The following CNTN4 variants were observed in gnomAD, a reference collection of about 807,000 sequenced individuals.
The protein encoded by CNTN4 is contactin 4, also known as contactin-4.
In CNTN4, 77 loss-of-function variants were observed where a neutral mutation model predicts 122.5. The ratio of observed to expected loss-of-function variants is 0.63; its 90% CI spans 0.52 to 0.76. CNTN4 has a LOEUF of 0.76. CNTN4 is among the 30% of genes least tolerant of loss of function. The pLI is 0.00. For missense variants in CNTN4, 1,256 were observed against 1,259.1 expected (o/e 1.00, Z 0.04); for synonymous variants, 512 against 447.0 (o/e 1.15, Z -1.83).
At chr3:2,383,890 A>T in intron 3 of CNTN4, among the ~76,000 whole-genome samples, 1 of 152,074 alleles carries the variant, frequency 6.6e-6, no homozygotes, top group East Asian at 1.9e-4. Flanking sequence ...GTGTTCTAAT[A>T]AACCCATTGT....
rs751599943 is a variant in CNTN4 at position 2,171,775 on chromosome 3, T to C, written c.-145+71136T>C. ...GAAAGACAAGAAAAGATCATTAGTA[T>C]ACTGTATTTACTTGAGTTACTTACT... is the stretch of plus-strand genomic sequence containing the variant. On this transcript the variant is annotated intron_variant, in intron 2 of 24. Coordinates refer to ENST00000418658, the MANE Select transcript of CNTN4 (RefSeq NM_175607.3). Among the ~76,000 whole-genome samples the C allele has an allele frequency of 2.0e-4, 31 of 152,222 alleles. 1 individual carries two copies. The highest frequency in any genetic ancestry group is 1.0e-4 in the Non-Finnish European group (7 of 68,038).
chr3:2,898,328 TA>T (rs2094137201), intron 10 of CNTN4, among the ~76,000 whole-genome samples: 1 of 150,746 alleles, frequency 6.6e-6, no homozygotes, highest in Non-Finnish European at 1.5e-5. Flanking sequence ...ACTTTAAAAA[TA>T]AAGAAAGTGC....
intron 4 of CNTN4, among the ~76,000 whole-genome samples, chr3:2,698,375 T>C (rs2086163970): frequency 6.6e-6 from 1 of 152,166 alleles, no homozygotes; most frequent in Non-Finnish European, 1.5e-5. Flanking sequence ...GTCTGGAACT[T>C]TGCAAGGCAC....
chr3:2,727,264 TCTGGGTCAGCA>T (rs2088296021), intron 4 of CNTN4, among the ~76,000 whole-genome samples: 1 of 152,150 alleles, frequency 6.6e-6, no homozygotes, highest in East Asian at 1.9e-4. Flanking sequence ...CCCAGCTGAG[TCTGGGTCAGCA>T]CTGCATAATC....
intron 12 of CNTN4, among the ~76,000 whole-genome samples, chr3:2,920,422 T>G (rs1292129534): frequency 6.6e-6 from 1 of 151,612 alleles, no homozygotes; most frequent in African/African-American, 2.4e-5. Context: ...GTGTGATACA[T>G]ACACATTATA....
At chr3:3,041,330 T>G (rs1700145912) in intron 20 of CNTN4, among the ~76,000 whole-genome samples, 1 of 152,248 alleles carries the variant, frequency 6.6e-6, no homozygotes, top group African/African-American at 2.4e-5. Context: ...GCCAAAGGAT[T>G]TACAATTATT....
At chr3:2,459,170 G>A (rs909596385) in intron 3 of CNTN4, among the ~76,000 whole-genome samples, 2 of 152,108 alleles carry the variant, frequency 1.3e-5, no homozygotes, top group Admixed American at 6.6e-5. Flanking sequence ...CCATGGTGAT[G>A]CAAAAGTGAT....
chr3:2,440,990 T>C (rs1202874613), intron 3 of CNTN4, among the ~76,000 whole-genome samples: 1 of 150,658 alleles, frequency 6.6e-6, no homozygotes, highest in East Asian at 1.9e-4. Context: ...TGTGTGTATA[T>C]GTATATGTGT....
At chr3:2,351,679 T>G (rs1007252388) in intron 3 of CNTN4, among the ~76,000 whole-genome samples, 1 of 152,188 alleles carries the variant, frequency 6.6e-6, no homozygotes, top group Admixed American at 6.5e-5. Flanking sequence ...ATTTCCCATT[T>G]AATATTTTTG....
At chr3:2,905,529 C>T (rs964611454) in intron 12 of CNTN4, among the ~76,000 whole-genome samples, 1 of 152,184 alleles carries the variant, frequency 6.6e-6, no homozygotes, top group Non-Finnish European at 1.5e-5. Context: ...ATAGGGGCTT[C>T]ACCTCTTAAA....
At position 2,798,293 on chromosome 3, in the gene CNTN4, G is replaced by A. The variant is rs546451034; in HGVS notation, c.359-21193G>A. Reference sequence around the variant, plus strand: ...AGTATTCCATTGTGTGTGTGTGTGTGTATATATATATATGTTTATATATTT... The same window carrying A: ...AGTATTCCATTGTGTGTGTGTGTGTATATATATATATATGTTTATATATTT... On this transcript the variant is annotated intron_variant, in intron 6 of 24. Transcript: ENST00000418658. Among the ~76,000 whole-genome samples the A allele has an allele frequency of 8.7e-4, 110 of 126,662 alleles. 2 individuals carry two copies. Among genetic ancestry groups the A allele is most frequent in the African/African-American group, 3.0e-3 (103 of 34,224 alleles). The allele number at this position is 126,662 out of a possible 152,430, so 83.1% of individuals were successfully genotyped here.
chr3:2,521,343 T>TCGCCCCCCCCCCCCCCCCC (rs781282977), intron 3 of CNTN4, among the ~76,000 whole-genome samples: 2 of 128,304 alleles, frequency 1.6e-5, no homozygotes, highest in Admixed American at 8.2e-5. Context: ...CCTCTACCCA[T>TCGCCCCCCCCCCCCCCCCC]CCCCCCCACC....
At chr3:2,260,516 C>A (rs894647356) in intron 2 of CNTN4, among the ~76,000 whole-genome samples, 1 of 151,928 alleles carries the variant, frequency 6.6e-6, no homozygotes, top group African/African-American at 2.4e-5. Context: ...ATGAGGTAAG[C>A]AGCAGAAGGG....
intron 2 of CNTN4, among the ~76,000 whole-genome samples, chr3:2,287,004 A>G (rs867620390): frequency 6.6e-6 from 1 of 152,206 alleles, no homozygotes; most frequent in African/African-American, 2.4e-5. Context: ...TTGTGGAGAT[A>G]TTCGTAGTTA....
intron 2 of CNTN4, among the ~76,000 whole-genome samples, chr3:2,293,447 G>T (rs2042202156): frequency 6.6e-6 from 1 of 152,106 alleles, no homozygotes; most frequent in Non-Finnish European, 1.5e-5. Context: ...AGTATTTATT[G>T]CCTGTGTTCA....
At chr3:2,593,972 G>T (rs1468674655) in intron 4 of CNTN4, among the ~76,000 whole-genome samples, 2 of 152,122 alleles carry the variant, frequency 1.3e-5, no homozygotes, top group African/African-American at 4.8e-5. Context: ...ACATAAATAG[G>T]TGTTTTCAGA....
At chr3:2,251,821 T>A (rs2040390429) in intron 2 of CNTN4, among the ~76,000 whole-genome samples, 1 of 151,794 alleles carries the variant, frequency 6.6e-6, no homozygotes, top group South Asian at 2.1e-4. Flanking sequence ...GTTGGTGTAG[T>A]TTTATTGAAG....
At chr3:2,299,470 C>A (rs1178488) in intron 2 of CNTN4, among the ~76,000 whole-genome samples, 47,711 of 151,810 alleles carry the variant, frequency 0.31, 8,050 homozygotes, top group East Asian at 0.58. Flanking sequence ...CATACCCCCA[C>A]CCTCTTTCTT....
intron 2 of CNTN4, among the ~76,000 whole-genome samples, chr3:2,174,374 A>C (rs2036654693): frequency 6.6e-6 from 1 of 152,220 alleles, no homozygotes; most frequent in Non-Finnish European, 1.5e-5. Flanking sequence ...GCTTATAAGC[A>C]ACAGACATTT....
Sources: gnomAD v4.1 joint callset for allele counts (sites outside exome capture counted in the v4.1 genomes callset) on GRCh38, gnomAD v4.1.1 for gene constraint, MANE v1.5 for transcripts, NCBI Gene and HGNC (gene_info 2026-07-23, HGNC 2026-07-21) for gene names.